BABAM2: variants seen among roughly 807,000 people sequenced by gnomAD.
The protein encoded by BABAM2 is BRISC and BRCA1 A complex member 2.
In BABAM2, 31 loss-of-function variants were observed where a neutral mutation model predicts 54.7. The observed-to-expected ratio is 0.57, with a 90% CI of 0.43 to 0.77. BABAM2 has a LOEUF of 0.77. BABAM2 is among the 30% of genes least tolerant of loss of function. The pLI is 0.00. For missense variants in BABAM2, 364 were observed against 455.8 expected, an observed-to-expected ratio of 0.80 and a Z score of 1.83; for synonymous variants, 167 against 162.9, an observed-to-expected ratio of 1.03 and a Z score of -0.19.
Position 28,255,231 on chromosome 2 carries a change from A to G in BABAM2, c.934+10369A>G, listed in dbSNP as rs1402483945. On this transcript the variant is annotated intron_variant, in intron 10 of 11. Coordinates refer to ENST00000379624, the MANE Select transcript of BABAM2 (RefSeq NM_199191.3). ...AATCTTGAAAGCCTTTCTTTAGAAA[A>G]TAGGAGAAAAAGTGTTTTTAGTTAT... Among the ~76,000 whole-genome samples the G allele has an allele frequency of 2.0e-5, 3 of 152,266 alleles. No homozygotes were observed. In the East Asian group the frequency reaches 5.8e-4, roughly 29 times the overall value.
At chr2:27,939,519 C>T (rs1373165357) in intron 3 of BABAM2, among the ~76,000 whole-genome samples, 3 of 152,132 alleles carry the variant, frequency 2.0e-5, no homozygotes, top group African/African-American at 7.2e-5. Context: ...AAGAATGTGG[C>T]ATTCTGTTGT....
intron 4 of BABAM2, among the ~76,000 whole-genome samples, chr2:27,998,772 T>C (rs1487025696): frequency 1.3e-5 from 2 of 152,212 alleles, no homozygotes; most frequent in Non-Finnish European, 2.9e-5. Context: ...TAAAAAAAGC[T>C]ATTAATTCGT....
chr2:28,176,461 T>A (rs1025530410), intron 7 of BABAM2, among the ~76,000 whole-genome samples: 4 of 147,930 alleles, frequency 2.7e-5, no homozygotes, highest in Non-Finnish European at 5.9e-5. Flanking sequence ...TCCCAGCTAC[T>A]TGGGAGGCTG....
chr2:28,074,763 T>C (rs781004651), intron 6 of BABAM2, among the ~76,000 whole-genome samples: 1 of 152,178 alleles, frequency 6.6e-6, no homozygotes, highest in Non-Finnish European at 1.5e-5. Context: ...TCAGCCAAGC[T>C]GACCAGGACC....
At chr2:27,923,659 C>G (rs1252916619) in intron 2 of BABAM2, among the ~76,000 whole-genome samples, 13 of 151,566 alleles carry the variant, frequency 8.6e-5, no homozygotes, top group Admixed American at 2.6e-4. Flanking sequence ...AGTTCATGTT[C>G]ATTATAAAAA....
At chr2:28,184,883 G>A (rs1049158202) in intron 7 of BABAM2, among the ~76,000 whole-genome samples, 8 of 152,106 alleles carry the variant, frequency 5.3e-5, no homozygotes, top group Non-Finnish European at 1.0e-4. Flanking sequence ...GGTAAAGTGC[G>A]TATACTACTT....
At chr2:27,987,572 T>G (rs1191231803) in intron 3 of BABAM2, among the ~76,000 whole-genome samples, 1 of 152,108 alleles carries the variant, frequency 6.6e-6, no homozygotes. Flanking sequence ...CCCAGCACTT[T>G]GGGAGGCTGA....
At chr2:28,117,316 G>A (rs1412793932) in intron 6 of BABAM2, among the ~76,000 whole-genome samples, 1 of 152,200 alleles carries the variant, frequency 6.6e-6, no homozygotes, top group Non-Finnish European at 1.5e-5. Context: ...GCCCTTTTTA[G>A]CACTTAATTC....
At chr2:28,061,534 G>C (rs1678867255) in intron 6 of BABAM2, among the ~76,000 whole-genome samples, 1 of 145,416 alleles carries the variant, frequency 6.9e-6, no homozygotes, top group Non-Finnish European at 1.5e-5. Context: ...GCACTGAGCT[G>C]AGATTGTGCC....
At position 27,897,490 on chromosome 2, in the gene BABAM2, G is replaced by A. The variant is rs73923954; in HGVS notation, c.128+2806G>A. On this transcript the variant is annotated intron_variant, in intron 2 of 11. Transcript: ENST00000379624. The stretch of plus-strand genomic sequence containing the variant: ...AGCTGCTTTTTTGTTGAGGCAAGAG[G>A]ATTTGGTAGAAAGAACTCTGGTGGA... Among the ~76,000 whole-genome samples, 1,407 of 151,794 alleles carry A rather than the reference G, an allele frequency of 9.3e-3. 23 individuals are homozygous for A. Among genetic ancestry groups the A allele is most frequent in the African/African-American group, 0.032 (1,313 of 41,424 alleles).
At chr2:28,038,878 A>G (rs922963170) in intron 5 of BABAM2, among the ~76,000 whole-genome samples, 1 of 152,124 alleles carries the variant, frequency 6.6e-6, no homozygotes, top group Non-Finnish European at 1.5e-5. Flanking sequence ...AGAGCGATTT[A>G]TTTTCCTTTG....
intron 2 of BABAM2, among the ~76,000 whole-genome samples, chr2:27,904,798 T>G (rs1458779083): frequency 1.3e-5 from 2 of 152,206 alleles, no homozygotes; most frequent in East Asian, 3.8e-4. Context: ...TTTCAGACTT[T>G]CAAGAACTCA....
intron 11 of BABAM2, among the ~76,000 whole-genome samples, chr2:28,301,866 T>C (rs942558673): frequency 1.4e-4 from 22 of 152,218 alleles, no homozygotes; most frequent in African/African-American, 5.1e-4. Flanking sequence ...ATATATATCT[T>C]TTTTTAAAAT....
chr2:27,931,367 A>G (rs1209378702), intron 3 of BABAM2, among the ~76,000 whole-genome samples: 2 of 152,310 alleles, frequency 1.3e-5, no homozygotes, highest in African/African-American at 2.4e-5. Context: ...TCACTTGCAG[A>G]TTCTAAAAAT....
chr2:28,290,100 G>C (rs1033111577), intron 10 of BABAM2, among the ~76,000 whole-genome samples: 5 of 152,160 alleles, frequency 3.3e-5, no homozygotes, highest in African/African-American at 1.2e-4. Context: ...TTCATCTGCA[G>C]CTTGCTTTTT....
At chr2:28,262,609 A>C (rs776703787) in intron 10 of BABAM2, among the ~76,000 whole-genome samples, 8 of 152,174 alleles carry the variant, frequency 5.3e-5, no homozygotes, top group Non-Finnish European at 1.0e-4. Flanking sequence ...GTAGCTGATG[A>C]TGCCATCATC....
At chr2:28,081,037 A>G (rs1665122383) in intron 6 of BABAM2, among the ~76,000 whole-genome samples, 1 of 152,186 alleles carries the variant, frequency 6.6e-6, no homozygotes, top group Admixed American at 6.5e-5. Flanking sequence ...AAAAACACCA[A>G]AAGAATTTTT....
chr2:28,229,777 G>A (rs1014218161), intron 7 of BABAM2, among the ~76,000 whole-genome samples: 4 of 152,094 alleles, frequency 2.6e-5, no homozygotes, highest in East Asian at 1.9e-4. Context: ...AGTAGAGACG[G>A]GGTTTCACCA....
At chr2:28,015,994 T>A (rs1674781317) in intron 4 of BABAM2, 4 of 589,998 alleles carry the variant, frequency 6.8e-6, no homozygotes, top group Non-Finnish European at 6.2e-6. Flanking sequence ...CTCAGTTGCA[T>A]CTTTTGACTT....
Sources: allele counts gnomAD v4.1 joint callset (sites outside exome capture counted in the v4.1 genomes callset), GRCh38; gene constraint gnomAD v4.1.1; transcripts MANE v1.5; gene names NCBI Gene and HGNC (gene_info 2026-07-23, HGNC 2026-07-21).